The following MAB21L3 variants were observed in gnomAD, a reference collection of about 807,000 sequenced individuals.
MAB21L3 encodes mab-21 like 3.
A neutral mutation model predicts 37.7 loss-of-function variants in MAB21L3; 36 were observed. The ratio of observed to expected loss-of-function variants is 0.96; its 90% confidence interval spans 0.73 to 1.26. The LOEUF (loss-of-function observed/expected upper bound fraction) is 1.26. MAB21L3 is among the 50% of genes most tolerant of loss of function. The probability of loss-of-function intolerance (pLI) is 0.00; values close to 1 mark genes in which losing one functional copy is unlikely to be tolerated. For missense variants in MAB21L3, 430 were observed against 447.3 expected (o/e 0.96, Z 0.35); for synonymous variants, 186 against 176.8 (o/e 1.05, Z -0.41).
chr1:116,122,253 G>A (rs1343905520), intron 4 of MAB21L3, among the ~76,000 whole-genome samples: 1 of 152,172 alleles, frequency 6.6e-6, no homozygotes, highest in African/African-American at 2.4e-5. Context: ...TAATCCCAGG[G>A]TGAAAATTAT....
chr1:116,131,949 C>T (rs529436526), intron 7 of MAB21L3, among the ~76,000 whole-genome samples: 4 of 152,188 alleles, frequency 2.6e-5, no homozygotes, highest in Middle Eastern at 3.4e-3. Flanking sequence ...AAGAGGATTA[C>T]AGGACTTGAC....
chr1:116,119,493 C>T (rs1659683271), intron 3 of MAB21L3, among the ~76,000 whole-genome samples: 1 of 151,908 alleles, frequency 6.6e-6, no homozygotes, highest in East Asian at 1.9e-4. Context: ...TTCTGGCTGT[C>T]GTGATCAGTT....
At chr1:116,116,680 A>C (rs1353392264) in intron 3 of MAB21L3, among the ~76,000 whole-genome samples, 2 of 151,974 alleles carry the variant, frequency 1.3e-5, no homozygotes, top group Admixed American at 6.6e-5. Flanking sequence ...CTGCCTTGTC[A>C]CTCTGGTCCT....
intron 3 of MAB21L3, among the ~76,000 whole-genome samples, chr1:116,117,824 C>T (rs1441068711): frequency 6.6e-6 from 1 of 152,172 alleles, no homozygotes; most frequent in African/African-American, 2.4e-5. Flanking sequence ...ATTTTCACTG[C>T]CCCCTACCCT....
chr1:116,112,533 A>T lies in MAB21L3; in HGVS notation c.-83A>T. 1 of 1,264,170 alleles carries T rather than the reference A, an allele frequency of 7.9e-7. No homozygotes were observed. The highest frequency in any genetic ancestry group is 1.2e-6 in the Non-Finnish European group (1 of 869,346). 78.3% of individuals were successfully genotyped at this position (1,264,170 alleles called of 1,614,324 possible). The stretch of plus-strand genomic sequence containing the variant: ...AGAGACTCACATTACTGGGAGTGCT[A>T]TCTACTCACAAGTGTTGCACTCCAT... On this transcript the variant is annotated 5_prime_UTR_variant, in exon 3 of 8. Coordinates refer to ENST00000369500, the MANE Select transcript of MAB21L3 (RefSeq NM_152367.3).
intron 3 of MAB21L3, 37 bp from the exon 4 acceptor site, chr1:116,120,895 G>C (rs571107641): frequency 4.3e-6 from 7 of 1,610,580 alleles, no homozygotes; most frequent in Non-Finnish European, 5.9e-6. Flanking sequence ...GGCCCACAGA[G>C]GAAATAACCA....
intron 3 of MAB21L3, among the ~76,000 whole-genome samples, chr1:116,115,547 T>C (rs1280572470): frequency 6.6e-6 from 1 of 152,194 alleles, no homozygotes; most frequent in Non-Finnish European, 1.5e-5. Context: ...CCTTTTCTTC[T>C]CAGTAACACT....
intron 3 of MAB21L3, among the ~76,000 whole-genome samples, chr1:116,118,916 A>G (rs936807680): frequency 6.6e-6 from 1 of 152,142 alleles, no homozygotes; most frequent in Non-Finnish European, 1.5e-5. Flanking sequence ...ATCTGTGCAA[A>G]CCTCTACCTT....
chr1:116,112,083 G>A (rs1659438158), intron 2 of MAB21L3, among the ~76,000 whole-genome samples: 1 of 152,192 alleles, frequency 6.6e-6, no homozygotes. Flanking sequence ...TGTAAAGAAG[G>A]TAAATCAATC....
intron 3 of MAB21L3, among the ~76,000 whole-genome samples, chr1:116,113,550 AG>A (rs1659487979): frequency 6.6e-6 from 1 of 152,168 alleles, no homozygotes; most frequent in Admixed American, 6.5e-5. Flanking sequence ...GTGGTGTTCA[AG>A]TAACTTCAAC....
chr1:116,123,947 C>T, intron 4 of MAB21L3, 119 bp from the exon 5 acceptor site: 2 of 992,100 alleles, frequency 2.0e-6, no homozygotes, highest in South Asian at 1.6e-5. Flanking sequence ...TATCTGGTCA[C>T]TCTGCTGAGG....
chr1:116,130,783 A>G (rs1371631953), intron 7 of MAB21L3, among the ~76,000 whole-genome samples: 1 of 152,230 alleles, frequency 6.6e-6, no homozygotes, highest in Non-Finnish European at 1.5e-5. Context: ...CTCAAAATAC[A>G]TTGGCTTGCT....
chr1:116,112,528 G>A lies in MAB21L3; in HGVS notation c.-88G>A. 2.5e-6 allele frequency: 3 copies of A among 1,197,450 alleles called. No homozygotes were observed. Among genetic ancestry groups the A allele is most frequent in the Non-Finnish European group, 3.7e-6 (3 of 812,302 alleles). The allele number at this position is 1,197,450 out of a possible 1,614,324, so 74.2% of individuals were successfully genotyped here. On this transcript the variant is annotated 5_prime_UTR_variant, in exon 3 of 8. The change creates a new upstream start codon in the 5' untranslated region. Transcript: ENST00000369500. Reference sequence around the variant, plus strand: ...TACCCAGAGACTCACATTACTGGGAGTGCTATCTACTCACAAGTGTTGCAC... The same window carrying A: ...TACCCAGAGACTCACATTACTGGGAATGCTATCTACTCACAAGTGTTGCAC...
At chr1:116,122,943 C>T (rs1659792832) in intron 4 of MAB21L3, among the ~76,000 whole-genome samples, 1 of 152,120 alleles carries the variant, frequency 6.6e-6, no homozygotes, top group Admixed American at 6.5e-5. Flanking sequence ...CTATGGGTAC[C>T]AGAAGTCATG....
intron 7 of MAB21L3, among the ~76,000 whole-genome samples, chr1:116,130,400 G>T (rs1660039553): frequency 6.6e-6 from 1 of 152,224 alleles, no homozygotes; most frequent in Admixed American, 6.5e-5. Context: ...GCTATTTCTG[G>T]AGTAAGATAA....
intron 3 of MAB21L3, among the ~76,000 whole-genome samples, chr1:116,113,880 C>T (rs1482026357): frequency 1.3e-5 from 2 of 152,112 alleles, no homozygotes; most frequent in Non-Finnish European, 2.9e-5. Flanking sequence ...GACACTTGCT[C>T]CTGGTCCCCG....
intron 7 of MAB21L3, 88 bp from the exon 8 acceptor site, chr1:116,133,044 C>T: frequency 1.8e-6 from 2 of 1,121,250 alleles, no homozygotes; most frequent in East Asian, 5.1e-5. Flanking sequence ...CTCCCTCCTT[C>T]CAAGGCCACA....
At chr1:116,132,481 C>T (rs1404693343) in intron 7 of MAB21L3, among the ~76,000 whole-genome samples, 1 of 152,094 alleles carries the variant, frequency 6.6e-6, no homozygotes, top group African/African-American at 2.4e-5. Flanking sequence ...AAGTGGAGAT[C>T]ACTGGGCCTT....
intron 4 of MAB21L3, 113 bp from the exon 5 acceptor site, chr1:116,123,953 T>G: frequency 9.5e-7 from 1 of 1,057,572 alleles, no homozygotes. Flanking sequence ...GTCACTCTGC[T>G]GAGGGTGGAG....
Sources: allele counts gnomAD v4.1 joint callset (sites outside exome capture counted in the v4.1 genomes callset), GRCh38; gene constraint gnomAD v4.1.1; transcripts MANE v1.5; gene names NCBI Gene and HGNC (gene_info 2026-07-23, HGNC 2026-07-21).